GRIK4: variants seen among roughly 807,000 people sequenced by gnomAD.
The protein encoded by GRIK4 is glutamate receptor ionotropic, kainate 4.
Under a neutral mutation model 104.9 loss-of-function variants are expected in GRIK4, and 40 were observed. The observed-to-expected ratio is 0.38, with a 90% CI of 0.30 to 0.50. The LOEUF (loss-of-function observed/expected upper bound fraction) is 0.50. GRIK4 is among the 20% of genes least tolerant of loss of function. The pLI, the probability that GRIK4 is intolerant of heterozygous loss-of-function variation, is 0.93. For synonymous variants in GRIK4, 485 were observed against 524.9 expected, an observed-to-expected ratio of 0.92 and a Z score of 1.04; for missense variants, 1,047 against 1,308.1, an observed-to-expected ratio of 0.80 and a Z score of 3.08.
intron 9 of GRIK4, among the ~76,000 whole-genome samples, chr11:120,863,178 A>G (rs1555080591): frequency 6.6e-6 from 1 of 152,242 alleles, no homozygotes; most frequent in African/African-American, 2.4e-5. Context: ...ATACATGCGT[A>G]ATGACATTTT....
chr11:120,672,822 T>C (rs994098169), intron 3 of GRIK4, among the ~76,000 whole-genome samples: 3 of 152,254 alleles, frequency 2.0e-5, no homozygotes, highest in Non-Finnish European at 4.4e-5. Flanking sequence ...AAGGAGTTTT[T>C]GGGCTGAGAT....
chr11:120,644,052 A>T (rs371229481), intron 1 of GRIK4, among the ~76,000 whole-genome samples: 121 of 76,870 alleles, frequency 1.6e-3, no homozygotes, highest in Non-Finnish European at 2.3e-3. Flanking sequence ...TGTGAGAGAG[A>T]GAGAGAGGAG....
At chr11:120,519,097 G>A (rs1454798398) in intron 1 of GRIK4, among the ~76,000 whole-genome samples, 1 of 152,216 alleles carries the variant, frequency 6.6e-6, no homozygotes, top group African/African-American at 2.4e-5. Context: ...GTGGGGGCAC[G>A]GATAGGGCCT....
chr11:120,875,060 C>T (rs1052060555), intron 10 of GRIK4, 79 bp from the exon 11 acceptor site: 3 of 879,048 alleles, frequency 3.4e-6, no homozygotes, highest in South Asian at 1.3e-5. Flanking sequence ...CCTTAAATAG[C>T]CCCTGTGTAG....
chr11:120,612,707 T>C (rs187256959), intron 1 of GRIK4, among the ~76,000 whole-genome samples: 162 of 152,354 alleles, frequency 1.1e-3, no homozygotes, highest in East Asian at 1.5e-3. Flanking sequence ...TTATTAGACT[T>C]GACACTAGAA....
intron 1 of GRIK4, among the ~76,000 whole-genome samples, chr11:120,592,730 A>G (rs1337498549): frequency 6.6e-6 from 1 of 151,356 alleles, no homozygotes; most frequent in Non-Finnish European, 1.5e-5. Flanking sequence ...TACACCCTGA[A>G]CTCTGCAAGC....
Position 120,555,203 on chromosome 11 carries a change from G to T in GRIK4, c.-159+43316G>T, listed in dbSNP as rs141800224. 3.3e-5 allele frequency among the ~76,000 whole-genome samples: 5 copies of T among 152,308 alleles called. No homozygotes were observed. The highest frequency in any genetic ancestry group is 7.3e-5 in the Non-Finnish European group (5 of 68,030). On this transcript the variant is annotated intron_variant, in intron 1 of 20. Coordinates refer to ENST00000527524, the MANE Select transcript of GRIK4 (RefSeq NM_014619.5). The surrounding 1 kb of genome is among the most constrained non-coding windows in gnomAD (Gnocchi z 5.3). ...AGGCTTAACTCCTGCAAATGGAGGCGGCATGCCCCAGAGAGCCCTATGCTT... is the reference window on the plus strand; with the variant it reads ...AGGCTTAACTCCTGCAAATGGAGGCTGCATGCCCCAGAGAGCCCTATGCTT...
chr11:120,655,650 G>A (rs750150934), intron 2 of GRIK4, among the ~76,000 whole-genome samples: 2 of 152,218 alleles, frequency 1.3e-5, no homozygotes, highest in Non-Finnish European at 1.5e-5. Flanking sequence ...GCTGACAAAT[G>A]TCTGTGCTTG....
intron 9 of GRIK4, among the ~76,000 whole-genome samples, chr11:120,865,771 C>CA (rs1954391835): frequency 6.6e-6 from 1 of 152,140 alleles, no homozygotes; most frequent in Admixed American, 6.6e-5. Context: ...TGTCTTAGAC[C>CA]ATTTGTATTG....
chr11:120,573,539 C>T (rs190662594), intron 1 of GRIK4, among the ~76,000 whole-genome samples: 3 of 152,242 alleles, frequency 2.0e-5, no homozygotes, highest in Admixed American at 6.5e-5. Flanking sequence ...AGGTCCAGCT[C>T]AAATTTGTCT....
chr11:120,540,282 G>T (rs1050701382), intron 1 of GRIK4, among the ~76,000 whole-genome samples: 3 of 152,198 alleles, frequency 2.0e-5, no homozygotes, highest in African/African-American at 7.2e-5. Context: ...AGGGACAGGG[G>T]CATATTACCA....
At chr11:120,983,499 G>T (rs943765142) in intron 20 of GRIK4, among the ~76,000 whole-genome samples, 6 of 152,178 alleles carry the variant, frequency 3.9e-5, no homozygotes, top group African/African-American at 1.4e-4. Context: ...CCTTGATGAT[G>T]GGGATACTTT....
rs1041910032 is a variant in GRIK4 at position 120,953,182 on chromosome 11, C to T, written c.1700+218C>T. 4.6e-5 allele frequency among the ~76,000 whole-genome samples: 7 copies of T among 152,044 alleles called. No individual in the cohort carries two copies. The highest frequency in any genetic ancestry group is 2.6e-4 in the Admixed American group (4 of 15,262). ...TCCAAACATTCCCCACTGTGCACGACGCAGACAGGTGGCTTGGCTTCTGCA... is the reference window on the plus strand; with the variant it reads ...TCCAAACATTCCCCACTGTGCACGATGCAGACAGGTGGCTTGGCTTCTGCA... On this transcript the variant is annotated intron_variant, in intron 15 of 20. Coordinates refer to ENST00000527524, the MANE Select transcript of GRIK4 (RefSeq NM_014619.5). This position sits in a 1 kb window ranked among gnomAD's most constrained non-coding sequence, Gnocchi z 4.9.
intron 9 of GRIK4, among the ~76,000 whole-genome samples, chr11:120,866,102 C>G (rs1489117119): frequency 6.6e-6 from 1 of 152,212 alleles, no homozygotes; most frequent in African/African-American, 2.4e-5. Context: ...ATCCAACCCA[C>G]CCGGGTCACT....
chr11:120,601,476 A>T (rs1948885961), intron 1 of GRIK4, among the ~76,000 whole-genome samples: 1 of 152,110 alleles, frequency 6.6e-6, no homozygotes, highest in Non-Finnish European at 1.5e-5. Context: ...TGACTTGATG[A>T]TTCAATTCAC....
intron 4 of GRIK4, among the ~76,000 whole-genome samples, chr11:120,808,835 C>T (rs544985130): frequency 1.4e-4 from 22 of 152,278 alleles, no homozygotes; most frequent in African/African-American, 4.6e-4. Context: ...GCTGCAGCAT[C>T]GGGAAGTGCT....
rs576530346 is a variant in GRIK4, at chr11:120,819,347, C to T, written c.346-408C>T. 1.1e-4 allele frequency among the ~76,000 whole-genome samples: 16 copies of T among 152,258 alleles called. No homozygotes were observed. The highest frequency in any genetic ancestry group is 2.1e-4 in the South Asian group (1 of 4,814). ...AGGGTAGCGATTTTTCTCTTTCTGCCGTCTCTGCTCTGATGTATTAACTAC... is the reference window on the plus strand; with the variant it reads ...AGGGTAGCGATTTTTCTCTTTCTGCTGTCTCTGCTCTGATGTATTAACTAC... On this transcript the variant is annotated intron_variant, in intron 5 of 20. Transcript: ENST00000527524. The surrounding 1 kb of genome is among the most constrained non-coding windows in gnomAD (Gnocchi z 4.3).
chr11:120,980,999 G>T (rs1163756501), intron 19 of GRIK4, among the ~76,000 whole-genome samples: 1 of 144,280 alleles, frequency 6.9e-6, no homozygotes, highest in African/African-American at 2.6e-5. Flanking sequence ...TCATAGTGCC[G>T]TGCGAAGCTG....
intron 19 of GRIK4, among the ~76,000 whole-genome samples, chr11:120,976,723 T>C (rs548671312): frequency 1.8e-4 from 28 of 152,368 alleles, no homozygotes; most frequent in African/African-American, 6.5e-4. Flanking sequence ...CATTGTCTCT[T>C]GCTGGGATCT....
Sources: gnomAD v4.1 joint callset for allele counts (sites outside exome capture counted in the v4.1 genomes callset) on GRCh38, gnomAD v4.1.1 for gene constraint, Gnocchi (gnomAD v3.1) non-coding constraint, MANE v1.5 for transcripts, NCBI Gene and HGNC (gene_info 2026-07-23, HGNC 2026-07-21) for gene names.